ANXA8: variants seen among roughly 807,000 people sequenced by gnomAD.
ANXA8 encodes the protein VAC-beta.
A neutral mutation model predicts 26.8 loss-of-function variants in ANXA8; 9 were observed. The observed-to-expected ratio is 0.34, with a 90% CI of 0.20 to 0.59. The LOEUF (loss-of-function observed/expected upper bound fraction) is 0.59, where lower values mean the gene tolerates loss of function less well. Among genes scored for constraint, ANXA8 ranks in the 20% least tolerant of loss-of-function variants. ANXA8 has a pLI of 0.84. For synonymous variants in ANXA8, 39 were observed against 94.8 expected (o/e 0.41, Z 3.42); for missense variants, 83 against 238.5 (o/e 0.35, Z 4.29).
the ANXA8 span, among the ~76,000 whole-genome samples, chr10:47,755,107 C>T: frequency 6.6e-6 from 1 of 150,662 alleles, no homozygotes; most frequent in Admixed American, 6.6e-5. Context: ...CAGGCGTGCA[C>T]CACCACGCCT....
chr10:47,724,794 C>T, the ANXA8 span, among the ~76,000 whole-genome samples: 2 of 139,912 alleles, frequency 1.4e-5, no homozygotes, highest in Non-Finnish European at 3.1e-5. Flanking sequence ...ATTTTCATTA[C>T]CCAGCCCTTT....
At chr10:47,776,085 T>C in the ANXA8 span, among the ~76,000 whole-genome samples, 1 of 152,062 alleles carries the variant, frequency 6.6e-6, no homozygotes, top group East Asian at 1.9e-4. Context: ...TGGAAAGAGC[T>C]GGCAGAGCAC....
chr10:47,763,775 A>T, the ANXA8 span, among the ~76,000 whole-genome samples: 1 of 62,378 alleles, frequency 1.6e-5, no homozygotes. Context: ...TCTGTGGTGC[A>T]GGGGAGTGTG....
chr10:47,914,747 AG>A, the ANXA8 span, among the ~76,000 whole-genome samples: 1 of 136,364 alleles, frequency 7.3e-6, no homozygotes, highest in African/African-American at 2.8e-5. Context: ...AGTCATGCTT[AG>A]TTTTCAAGGA....
chr10:47,533,218 C>CACACACAT, the ANXA8 span, among the ~76,000 whole-genome samples: 29 of 112,320 alleles, frequency 2.6e-4, no homozygotes, highest in South Asian at 6.9e-3. Flanking sequence ...CACACACACA[C>CACACACAT]ACACACCCCC....
At chr10:47,924,596 G>A in the ANXA8 span, among the ~76,000 whole-genome samples, 1 of 151,692 alleles carries the variant, frequency 6.6e-6, no homozygotes, top group East Asian at 1.9e-4. Context: ...CTCATCATAA[G>A]CCAGCATAGG....
At chr10:47,920,132 G>T in the ANXA8 span, among the ~76,000 whole-genome samples, 1 of 47,194 alleles carries the variant, frequency 2.1e-5, no homozygotes, top group African/African-American at 1.4e-4. Context: ...GAAGACCATA[G>T]TGCTGGAGAA....
chr10:47,742,990 T>TAAAAA, the ANXA8 span, among the ~76,000 whole-genome samples: 1 of 91,508 alleles, frequency 1.1e-5, no homozygotes, highest in Admixed American at 1.3e-4. Context: ...CCGTCTCTAC[T>TAAAAA]AAAAAAAAAA....
At chr10:47,530,085 G>T in the ANXA8 span, among the ~76,000 whole-genome samples, 2 of 132,268 alleles carry the variant, frequency 1.5e-5, no homozygotes, top group Non-Finnish European at 3.2e-5. Flanking sequence ...TAAGACAACA[G>T]GATCACAAAT....
At chr10:47,594,210 C>T in the ANXA8 span, among the ~76,000 whole-genome samples, 1 of 150,708 alleles carries the variant, frequency 6.6e-6, no homozygotes, top group Non-Finnish European at 1.5e-5. Context: ...AATAAACTCC[C>T]CTTCAAATGT....
At chr10:47,495,280 ATTATTATT>A in the ANXA8 span, among the ~76,000 whole-genome samples, 1 of 115,254 alleles carries the variant, frequency 8.7e-6, no homozygotes, top group Non-Finnish European at 1.8e-5. Flanking sequence ...TATTATTATT[ATTATTATT>A]ATTATTATTA....
At chr10:47,645,806 A>G in the ANXA8 span, among the ~76,000 whole-genome samples, 1 of 149,966 alleles carries the variant, frequency 6.7e-6, no homozygotes. Context: ...TCAGAGCCCA[A>G]ATAAAACAAA....
the ANXA8 span, among the ~76,000 whole-genome samples, chr10:47,684,540 T>C: frequency 6.6e-6 from 1 of 151,962 alleles, no homozygotes; most frequent in Non-Finnish European, 1.5e-5. Context: ...TGGCTTTAAA[T>C]GCAACCCAAC....
the ANXA8 span, among the ~76,000 whole-genome samples, chr10:47,495,834 C>T: frequency 6.6e-6 from 1 of 151,322 alleles, no homozygotes. Flanking sequence ...GCATGGGGGG[C>T]AACCCAGGGG....
the ANXA8 span, among the ~76,000 whole-genome samples, chr10:47,586,920 T>C: frequency 6.8e-6 from 1 of 146,184 alleles, no homozygotes; most frequent in African/African-American, 2.8e-5. Flanking sequence ...TGTTAGGAAA[T>C]TCTGGACTTG....
chr10:47,564,429 T>G, the ANXA8 span: 2 of 1,177,974 alleles, frequency 1.7e-6, no homozygotes. Context: ...GAAGTGGCGG[T>G]TGCAGAAGGG....
At chr10:47,979,226 A>G in the ANXA8 span, among the ~76,000 whole-genome samples, 2 of 151,834 alleles carry the variant, frequency 1.3e-5, no homozygotes, top group Non-Finnish European at 2.9e-5. Context: ...AGTTGGAAAC[A>G]TCATTACTCC....
the ANXA8 span, chr10:47,565,684 C>T: frequency 3.8e-5 from 16 of 416,204 alleles, no homozygotes; most frequent in Non-Finnish European, 6.1e-5. Context: ...GGAGCCTGGA[C>T]GCCACCGCTC....
chr10:47,483,824 C>A, intron 1 of ANXA8, 89 bp downstream of exon 1: 2 of 1,610,990 alleles, frequency 1.2e-6, no homozygotes, highest in Non-Finnish European at 1.7e-6. Context: ...CACTCCCAGC[C>A]AAGGGCGACT....
Sources: gnomAD v4.1 joint callset for allele counts (sites outside exome capture counted in the v4.1 genomes callset) on GRCh38, gnomAD v4.1.1 for gene constraint, MANE v1.5 for transcripts, NCBI Gene and HGNC (gene_info 2026-07-23, HGNC 2026-07-21) for gene names.